Variants in RBFOX1 observed in about 807,000 individuals in gnomAD.
RBFOX1 encodes RNA binding protein fox-1 homolog 1.
Under a neutral mutation model 57.7 loss-of-function variants are expected in RBFOX1, and 8 were observed. The observed-to-expected ratio is 0.14, with a 90% CI of 0.08 to 0.25. RBFOX1 has a LOEUF of 0.25. Among genes scored for constraint, RBFOX1 ranks in the 10% least tolerant of loss-of-function variants. The probability of loss-of-function intolerance (pLI) is 1.00; values close to 1 mark genes in which losing one functional copy is unlikely to be tolerated. For missense variants in RBFOX1, 611 were observed against 548.5 expected (o/e 1.11, Z -1.14); for synonymous variants, 326 against 222.4 (o/e 1.47, Z -4.15).
At chr16:7,343,837 G>A (rs2096942559) in intron 4 of RBFOX1, among the ~76,000 whole-genome samples, 1 of 152,104 alleles carries the variant, frequency 6.6e-6, no homozygotes, top group Non-Finnish European at 1.5e-5. Context: ...TCCCTTCTGG[G>A]CAGTAGTCAC....
rs150106185 is a variant in RBFOX1, at chr16:6,885,043, G to A, written c.-15-167014G>A. On this transcript the variant is annotated intron_variant, in intron 3 of 15. Coordinates refer to ENST00000550418, the MANE Select transcript of RBFOX1 (RefSeq NM_018723.4). ...TCATGTTTTAGAAAAGCAGCAAAAC[G>A]TTTATTTAATATGAAATCTCCTGCA... Among the ~76,000 whole-genome samples the A allele has an allele frequency of 6.5e-4, 99 of 152,274 alleles. 1 individual carries two copies. In the East Asian group the frequency reaches 0.013, roughly 20 times the overall value.
intron 2 of RBFOX1, among the ~76,000 whole-genome samples, chr16:6,335,996 A>G (rs540402268): frequency 1.7e-4 from 25 of 149,684 alleles, no homozygotes; most frequent in African/African-American, 6.1e-4. Flanking sequence ...TCATAGTGGA[A>G]TCAAGCCTCC....
intron 1 of RBFOX1, among the ~76,000 whole-genome samples, chr16:6,022,524 T>C (rs951173641): frequency 2.6e-5 from 4 of 152,066 alleles, no homozygotes; most frequent in Middle Eastern, 3.4e-3. Flanking sequence ...GTACTAAAAA[T>C]ACAAACAATT....
chr16:6,222,720 C>T (rs2097384360), intron 1 of RBFOX1, among the ~76,000 whole-genome samples: 1 of 99,628 alleles, frequency 1.0e-5, no homozygotes, highest in African/African-American at 3.5e-5. Flanking sequence ...TATTATTATG[C>T]TTTAAGTTTT....
At chr16:6,789,159 TAG>T (rs1603623984) in intron 3 of RBFOX1, among the ~76,000 whole-genome samples, 2 of 152,048 alleles carry the variant, frequency 1.3e-5, no homozygotes, top group African/African-American at 4.8e-5. Context: ...TGCTTGTGGG[TAG>T]AGTGTTCTTC....
At chr16:7,090,324 C>T (rs917167692) in intron 4 of RBFOX1, among the ~76,000 whole-genome samples, 11 of 152,130 alleles carry the variant, frequency 7.2e-5, no homozygotes, top group Non-Finnish European at 1.6e-4. Flanking sequence ...TAATAGCACA[C>T]GATTTCAGTA....
chr16:6,515,261 C>T (rs2096352307), intron 2 of RBFOX1, among the ~76,000 whole-genome samples: 1 of 152,174 alleles, frequency 6.6e-6, no homozygotes, highest in African/African-American at 2.4e-5. Context: ...GCTTACTTTT[C>T]TGTATTCTTC....
intron 3 of RBFOX1, among the ~76,000 whole-genome samples, chr16:6,730,201 A>G (rs993541396): frequency 1.3e-5 from 2 of 152,180 alleles, no homozygotes; most frequent in Non-Finnish European, 2.9e-5. Context: ...AGGAGGGGAC[A>G]TAGGAACAAA....
chr16:5,439,675 C>T (rs1458904968), intron 1 of RBFOX1, among the ~76,000 whole-genome samples: 1 of 152,030 alleles, frequency 6.6e-6, no homozygotes, highest in African/African-American at 2.4e-5. Flanking sequence ...TCACTCCTGG[C>T]CTCAAGTGAT....
chr16:5,894,948 G>T (rs527431875), intron 4 of RBFOX1, among the ~76,000 whole-genome samples: 1 of 152,194 alleles, frequency 6.6e-6, no homozygotes, highest in Non-Finnish European at 1.5e-5. Context: ...GCATGAACCC[G>T]GGAGGCAGAG....
intron 2 of RBFOX1, among the ~76,000 whole-genome samples, chr16:5,563,776 A>G (rs2045969224): frequency 6.6e-6 from 1 of 152,198 alleles, no homozygotes; most frequent in Non-Finnish European, 1.5e-5. Flanking sequence ...GCACTATAGC[A>G]TATTTTGGAA....
intron 3 of RBFOX1, among the ~76,000 whole-genome samples, chr16:6,674,453 C>G (rs1434106150): frequency 2.6e-5 from 4 of 152,044 alleles, no homozygotes; most frequent in African/African-American, 9.7e-5. Flanking sequence ...TCCTGAGTAG[C>G]TGGGATTATA....
At chr16:7,305,286 C>G (rs2096152068) in intron 4 of RBFOX1, among the ~76,000 whole-genome samples, 1 of 152,064 alleles carries the variant, frequency 6.6e-6, no homozygotes, top group Non-Finnish European at 1.5e-5. Flanking sequence ...CCTCTCTGCT[C>G]TGTCATTCTT....
At chr16:6,355,154 C>G (rs2087059574) in intron 2 of RBFOX1, among the ~76,000 whole-genome samples, 1 of 152,088 alleles carries the variant, frequency 6.6e-6, no homozygotes, top group Non-Finnish European at 1.5e-5. Flanking sequence ...TATTAGTATA[C>G]TTTAAGTTCT....
At chr16:5,764,043 C>A (rs1316524374) in intron 3 of RBFOX1, among the ~76,000 whole-genome samples, 1 of 152,172 alleles carries the variant, frequency 6.6e-6, no homozygotes, top group East Asian at 1.9e-4. Context: ...TGGTTAGAAT[C>A]ACATCACACA....
intron 2 of RBFOX1, among the ~76,000 whole-genome samples, chr16:6,388,947 G>A (rs938567630): frequency 6.6e-6 from 1 of 152,196 alleles, no homozygotes; most frequent in African/African-American, 2.4e-5. Context: ...GGAGAGTTCA[G>A]GAGATGTTGG....
intron 2 of RBFOX1, among the ~76,000 whole-genome samples, chr16:6,506,650 T>TGGAG (rs2096100851): frequency 4.6e-5 from 2 of 43,236 alleles, no homozygotes; most frequent in Non-Finnish European, 6.1e-5. Context: ...TTTTTTTTTT[T>TGGAG]TTTTTTTTTT....
intron 2 of RBFOX1, among the ~76,000 whole-genome samples, chr16:6,548,600 C>G (rs981125992): frequency 6.6e-6 from 1 of 152,140 alleles, no homozygotes; most frequent in African/African-American, 2.4e-5. Flanking sequence ...CACGAATAAA[C>G]TTTCAAATAA....
chr16:6,377,574 G>A (rs2091333954), intron 2 of RBFOX1, among the ~76,000 whole-genome samples: 1 of 152,160 alleles, frequency 6.6e-6, no homozygotes, highest in African/African-American at 2.4e-5. Flanking sequence ...ATGCACTTCA[G>A]TGGAATTTGG....
Sources: allele counts gnomAD v4.1 joint callset (sites outside exome capture counted in the v4.1 genomes callset), GRCh38; gene constraint gnomAD v4.1.1; transcripts MANE v1.5; gene names NCBI Gene and HGNC (gene_info 2026-07-23, HGNC 2026-07-21).